Variants in RAB2A observed in about 807,000 individuals in gnomAD.
The protein encoded by RAB2A is ras-related protein Rab-2A.
RAB2A carries 7 observed loss-of-function variants against 32.5 expected under a neutral mutation model. The observed-to-expected ratio is 0.22, with a 90% CI of 0.12 to 0.40. The LOEUF (loss-of-function observed/expected upper bound fraction) is 0.40. Among genes scored for constraint, RAB2A ranks in the 10% least tolerant of loss-of-function variants. RAB2A has a pLI of 1.00. For missense variants in RAB2A, 108 were observed against 260.7 expected, an observed-to-expected ratio of 0.41 and a Z score of 4.03; for synonymous variants, 79 against 85.2, an observed-to-expected ratio of 0.93 and a Z score of 0.40.
chr8:60,529,629 A>G (rs1304353072), intron 1 of RAB2A, among the ~76,000 whole-genome samples: 1 of 152,194 alleles, frequency 6.6e-6, no homozygotes, highest in African/African-American at 2.4e-5. Context: ...GGAAGTAAAC[A>G]TTACACTTGA....
At chr8:60,583,221 G>C (rs1232805412) in intron 3 of RAB2A, among the ~76,000 whole-genome samples, 1 of 152,122 alleles carries the variant, frequency 6.6e-6, no homozygotes, top group African/African-American at 2.4e-5. Flanking sequence ...TATTTTTCAA[G>C]TTAGGGGATT....
intron 3 of RAB2A, among the ~76,000 whole-genome samples, chr8:60,577,328 G>A (rs539847627): frequency 5.9e-5 from 9 of 152,170 alleles, no homozygotes; most frequent in African/African-American, 2.2e-4. Context: ...GGATTACAGC[G>A]TGAGCCACTG....
chr8:60,528,711 TAG>T (rs1807429633), intron 1 of RAB2A, among the ~76,000 whole-genome samples: 1 of 152,220 alleles, frequency 6.6e-6, no homozygotes. Flanking sequence ...TTGCTTAATT[TAG>T]AGTGATTGGC....
In RAB2A at chr8:60,558,683, C is replaced by T. The variant is rs1194246395; in HGVS notation, c.47-169C>T. On this transcript the variant is annotated intron_variant, in intron 1 of 7. Coordinates refer to ENST00000262646, the MANE Select transcript of RAB2A (RefSeq NM_002865.3). Reference sequence around the variant, plus strand: ...ACTTTAGATTGGTTTACAGCTTCCACCTAAATCATCAGTCCTCTTATTTTG... The same window carrying T: ...ACTTTAGATTGGTTTACAGCTTCCATCTAAATCATCAGTCCTCTTATTTTG... 9 of 658,208 alleles carry T rather than the reference C, an allele frequency of 1.4e-5. No homozygotes were observed. In the Admixed American group the frequency reaches 1.4e-4, roughly 10 times the overall value. The allele number at this position is 658,208 out of a possible 1,614,324, so 40.8% of individuals were successfully genotyped here. A position where few individuals can be genotyped will look rare whatever the true frequency, so the allele number is the denominator to read the frequency against.
chr8:60,533,505 G>A (rs972104079), intron 1 of RAB2A, among the ~76,000 whole-genome samples: 5 of 152,208 alleles, frequency 3.3e-5, no homozygotes, highest in Non-Finnish European at 5.9e-5. Flanking sequence ...CCAGGACCGT[G>A]AGTAGAAGAC....
intron 6 of RAB2A, among the ~76,000 whole-genome samples, chr8:60,599,684 G>A (rs1804097663): frequency 2.0e-5 from 3 of 152,088 alleles, no homozygotes; most frequent in Non-Finnish European, 4.4e-5. Flanking sequence ...GAAGAAGATA[G>A]CCTTTTCAAC....
chr8:60,622,531 T>A lies in RAB2A; in HGVS notation c.*1762T>A, dbSNP rs1364619161. On this transcript the variant is annotated 3_prime_UTR_variant, in exon 8 of 8. Transcript: ENST00000262646. Reference sequence around the variant, plus strand: ...ACTAATCACTGTCTTTACCAGTGAGTACAAAAAGTTAAGGCAACTAGGACA... The same window carrying A: ...ACTAATCACTGTCTTTACCAGTGAGAACAAAAAGTTAAGGCAACTAGGACA... 1 of 152,162 alleles carries A rather than the reference T, an allele frequency of 6.6e-6. No homozygotes were observed. Among genetic ancestry groups the A allele is most frequent in the Non-Finnish European group, 1.5e-5 (1 of 68,014 alleles). The allele number at this position is 152,162 out of a possible 1,614,324, so 9.4% of individuals were successfully genotyped here.
intron 1 of RAB2A, among the ~76,000 whole-genome samples, chr8:60,540,604 C>G (rs1435420936): frequency 1.3e-5 from 2 of 152,178 alleles, no homozygotes. Flanking sequence ...CTCAGCCTCT[C>G]AAGTAGCTGG....
chr8:60,617,842 A>G (rs746036904), intron 6 of RAB2A, among the ~76,000 whole-genome samples: 1 of 152,186 alleles, frequency 6.6e-6, no homozygotes, highest in African/African-American at 2.4e-5. Flanking sequence ...AGTTACCCCA[A>G]AAAGAAACCT....
chr8:60,532,219 G>C (rs944227471), intron 1 of RAB2A, among the ~76,000 whole-genome samples: 1 of 152,178 alleles, frequency 6.6e-6, no homozygotes, highest in Admixed American at 6.5e-5. Flanking sequence ...AGAAGTCTTT[G>C]ATATAAATAA....
At chr8:60,520,469 T>C (rs1349290588) in intron 1 of RAB2A, among the ~76,000 whole-genome samples, 1 of 152,248 alleles carries the variant, frequency 6.6e-6, no homozygotes, top group Non-Finnish European at 1.5e-5. Context: ...GCCAACCATT[T>C]TAACCTTATC....
intron 1 of RAB2A, among the ~76,000 whole-genome samples, chr8:60,524,211 A>C (rs566636521): frequency 1.3e-5 from 2 of 152,236 alleles, no homozygotes; most frequent in African/African-American, 4.8e-5. Flanking sequence ...CCTGTCCAGC[A>C]TGAAAGTTTC....
rs767651934 is a variant in RAB2A at position 60,618,653 on chromosome 8, A to G, written c.543+5A>G. 9.8e-7 allele frequency: 1 copy of G among 1,019,004 alleles called. No individual in the cohort carries two copies. Among genetic ancestry groups the G allele is most frequent in the East Asian group, 3.4e-5 (1 of 29,734 alleles). 63.1% of individuals were successfully genotyped at this position (1,019,004 alleles called of 1,614,324 possible). A position where few individuals can be genotyped will look rare whatever the true frequency, so the allele number is the denominator to read the frequency against. ...GTCTTTGACATTAATAATGAGGTAT[A>G]TACATATAAATATTGTTGGTCAATA... On this transcript the variant is annotated splice_donor_5th_base_variant and intron_variant, in intron 7 of 7. Coordinates refer to ENST00000262646, the MANE Select transcript of RAB2A (RefSeq NM_002865.3).
chr8:60,601,578 T>C (rs2150432994), intron 6 of RAB2A, among the ~76,000 whole-genome samples: 1 of 152,302 alleles, frequency 6.6e-6, no homozygotes, highest in African/African-American at 2.4e-5. Flanking sequence ...GCTCAAATGA[T>C]CCGCCTGCTG....
rs947749719 is a variant in RAB2A at position 60,584,203 on chromosome 8, T to C, written c.187-5T>C. 9.4e-6 allele frequency: 15 copies of C among 1,593,386 alleles called. No homozygotes were observed. The highest frequency in any genetic ancestry group is 5.5e-5 in the South Asian group (5 of 90,644). On this transcript the variant is annotated splice_region_variant and splice_polypyrimidine_tract_variant and intron_variant, in intron 3 of 7. Transcript: ENST00000262646. ...GAAACTCTCCAACCTTTTTTTTCGT[T>C]ACAGGCAGGGCAAGAATCCTTTCGT...
chr8:60,618,019 C>G (rs919318767), intron 6 of RAB2A, among the ~76,000 whole-genome samples: 1 of 152,178 alleles, frequency 6.6e-6, no homozygotes, highest in African/African-American at 2.4e-5. Flanking sequence ...ACAGTGTTTT[C>G]AAGGTTCATC....
chr8:60,582,694 G>A (rs1803782115), intron 3 of RAB2A, among the ~76,000 whole-genome samples: 2 of 152,010 alleles, frequency 1.3e-5, no homozygotes, highest in South Asian at 4.1e-4. Flanking sequence ...TATATTTTTG[G>A]TAGAGACGGG....
intron 2 of RAB2A, among the ~76,000 whole-genome samples, chr8:60,560,415 C>G (rs1425336925): frequency 6.6e-6 from 1 of 152,186 alleles, no homozygotes; most frequent in Non-Finnish European, 1.5e-5. Flanking sequence ...TCGCTGCCCT[C>G]TCTATAGGAT....
intron 5 of RAB2A, among the ~76,000 whole-genome samples, chr8:60,588,251 C>G (rs1003115630): frequency 3.9e-5 from 6 of 152,136 alleles, no homozygotes; most frequent in Non-Finnish European, 7.4e-5. Context: ...CCACTGTATT[C>G]CAGCCTAGGC....
Sources: gnomAD v4.1 joint callset for allele counts (sites outside exome capture counted in the v4.1 genomes callset) on GRCh38, gnomAD v4.1.1 for gene constraint, MANE v1.5 for transcripts, NCBI Gene and HGNC (gene_info 2026-07-23, HGNC 2026-07-21) for gene names.